Variants in CCDC80 observed in about 807,000 individuals in gnomAD.
CCDC80 encodes coiled-coil domain containing 80.
A neutral mutation model predicts 78.7 loss-of-function variants in CCDC80; 49 were observed. The ratio of observed to expected loss-of-function variants is 0.62; its 90% CI spans 0.50 to 0.79. The LOEUF (loss-of-function observed/expected upper bound fraction) is 0.79, where lower values mean the gene tolerates loss of function less well. Ranked by LOEUF, CCDC80 falls within the 30% of genes least tolerant of loss-of-function variation. CCDC80 has a pLI of 0.00. For missense variants in CCDC80, 1,205 were observed against 1,198.6 expected, an observed-to-expected ratio of 1.01 and a Z score of -0.08; for synonymous variants, 488 against 447.0, an observed-to-expected ratio of 1.09 and a Z score of -1.16.
chr3:112,625,278 G>A (rs1935942491), intron 3 of CCDC80, among the ~76,000 whole-genome samples: 2 of 152,126 alleles, frequency 1.3e-5, no homozygotes, highest in African/African-American at 2.4e-5. Context: ...AGAGGTCTGG[G>A]GAAATAGACA....
chr3:112,616,942 A>G, intron 4 of CCDC80, 84 bp from the exon 5 acceptor site: 1 of 1,401,848 alleles, frequency 7.1e-7, no homozygotes, highest in Non-Finnish European at 9.8e-7. Flanking sequence ...GTGAGAATTC[A>G]GAGGAGCTCT....
chr3:112,638,652 G>T lies in CCDC80; in HGVS notation c.1254C>A (p.Ser418=). The change falls in exon 2 of 8, where the codon TCC becomes TCA. Residue 418 remains serine, a synonymous_variant. Transcript: ENST00000206423. ...GCCTCTCCCTGTGCTGATCCTTCCG[G>T]GATGGAGGGTAAAGATTCTCTGAAA... ...PSVSENLYPP[S]RKDQHRERPQ... The T allele has an allele frequency of 6.2e-7, 1 of 1,614,004 alleles. No individual in the cohort carries two copies. Among genetic ancestry groups the T allele is most frequent in the Non-Finnish European group, 8.5e-7 (1 of 1,180,000 alleles).
chr3:112,598,512 A>C lies in CCDC80; in HGVS notation c.*6905T>G, dbSNP rs1344350502. On this transcript the variant is annotated 3_prime_UTR_variant, in exon 8 of 8. Coordinates refer to ENST00000206423, the MANE Select transcript of CCDC80 (RefSeq NM_199511.3). ...AGCCAAAGAACGTTTGCCCATGGGC[A>C]GTCTTAGCTATTTAAAATCACCCAC... 6.6e-6 allele frequency: 1 copy of C among 152,316 alleles called. No individual in the cohort carries two copies. The highest frequency in any genetic ancestry group is 1.5e-5 in the Non-Finnish European group (1 of 68,130). The allele number at this position is 152,316 out of a possible 1,614,324, so 9.4% of individuals were successfully genotyped here.
rs142875659 is a variant in CCDC80, at chr3:112,631,145, C to T, written c.1879-876G>A. 1.2e-4 allele frequency among the ~76,000 whole-genome samples: 18 copies of T among 152,334 alleles called. No individual in the cohort carries two copies. The East Asian group carries it at 3.5e-3, about 29-fold the overall frequency. The stretch of plus-strand genomic sequence containing the variant: ...TAAGAGGTCCTCTTGAATCTTTTCT[C>T]TGAGAACGTCTCACTATTTTTATCT... On this transcript the variant is annotated intron_variant, in intron 2 of 7. Transcript: ENST00000206423.
In CCDC80 at chr3:112,597,885, AC is replaced by A. The variant is rs1935309549; in HGVS notation, c.*7531del. The A allele has an allele frequency of 1.3e-5, 2 of 152,186 alleles. No individual in the cohort carries two copies. The highest frequency in any genetic ancestry group is 4.8e-5 in the African/African-American group (2 of 41,448). 9.4% of individuals were successfully genotyped at this position (152,186 alleles called of 1,614,324 possible). A position where few individuals can be genotyped will look rare whatever the true frequency, so the allele number is the denominator to read the frequency against. Reference sequence around the variant, plus strand: ...TTAACGGCGTACCTAACTGTTCTCTACTAGTCTGAGCCTCTGTACAGAGAAA... The same window carrying A: ...TTAACGGCGTACCTAACTGTTCTCTATAGTCTGAGCCTCTGTACAGAGAAA... On this transcript the variant is annotated 3_prime_UTR_variant, in exon 8 of 8. Transcript: ENST00000206423.
Position 112,599,548 on chromosome 3 carries a change from A to G in CCDC80, c.*5869T>C, listed in dbSNP as rs1166690124. The G allele has an allele frequency of 6.6e-6, 1 of 152,630 alleles. No homozygotes were observed. The highest frequency in any genetic ancestry group is 1.5e-5 in the Non-Finnish European group (1 of 68,362). The allele number at this position is 152,630 out of a possible 1,614,324, so 9.5% of individuals were successfully genotyped here. ...AGGGAGATCAGGGAGCGAAACGAAC[A>G]GAGAAACGAACAGAGGTTTTTTCCA... On this transcript the variant is annotated 3_prime_UTR_variant, in exon 8 of 8. Transcript: ENST00000206423.
chr3:112,622,150 G>A (rs959757371), intron 3 of CCDC80, among the ~76,000 whole-genome samples: 1 of 152,162 alleles, frequency 6.6e-6, no homozygotes, highest in African/African-American at 2.4e-5. Flanking sequence ...ACACTCAAGG[G>A]TAGAAAGGAC....
chr3:112,616,851 T>A lies in CCDC80; in HGVS notation c.2180A>T (p.Tyr727Phe). Residue 727 changes from tyrosine (Y) to phenylalanine (F), a missense_variant, in exon 5 of 8, where the codon TAT (tyrosine) becomes TTT (phenylalanine). Physicochemically the swap from Tyr to Phe is conservative, Grantham distance 22. Coordinates refer to ENST00000206423, the MANE Select transcript of CCDC80 (RefSeq NM_199511.3). ...TDVDLRVKQYYEVPITMKSVF... is the reference protein window; with the variant it reads ...TDVDLRVKQYFEVPITMKSVF... Reference sequence around the variant, plus strand: ...AGACTTCATTGTTATTGGTACCTCATAGTATTGCTGTTTAAGAAAAAACAG... The same window carrying A: ...AGACTTCATTGTTATTGGTACCTCAAAGTATTGCTGTTTAAGAAAAAACAG... 6.2e-7 allele frequency: 1 copy of A among 1,613,630 alleles called. No homozygotes were observed. Among genetic ancestry groups the A allele is most frequent in the Non-Finnish European group, 8.5e-7 (1 of 1,179,908 alleles).
chr3:112,607,530 T>TA (rs1576778886), intron 6 of CCDC80, among the ~76,000 whole-genome samples: 1 of 152,180 alleles, frequency 6.6e-6, no homozygotes, highest in East Asian at 1.9e-4. Context: ...CTCATGCCTG[T>TA]AATCCCAGCA....
intron 3 of CCDC80, among the ~76,000 whole-genome samples, chr3:112,621,789 G>A (rs1186167009): frequency 6.6e-6 from 1 of 152,106 alleles, no homozygotes; most frequent in South Asian, 2.1e-4. Context: ...CCTACCATAG[G>A]ACAGCTCACA....
intron 3 of CCDC80, among the ~76,000 whole-genome samples, chr3:112,628,454 C>T (rs1057065444): frequency 6.6e-6 from 1 of 152,156 alleles, no homozygotes; most frequent in African/African-American, 2.4e-5. Flanking sequence ...CAGATGACTA[C>T]CAGATCAAAT....
chr3:112,638,018 G>C lies in CCDC80; in HGVS notation c.1878+10C>G. The C allele has an allele frequency of 6.3e-7, 1 of 1,584,380 alleles. No individual in the cohort carries two copies. Among genetic ancestry groups the C allele is most frequent in the South Asian group, 1.2e-5 (1 of 85,254 alleles). Reference sequence around the variant, plus strand: ...GCCCATAGAAGAATGCCAAGGAGAAGGCTACTTACAAGGAGTCTTCGTTTG... The same window carrying C: ...GCCCATAGAAGAATGCCAAGGAGAACGCTACTTACAAGGAGTCTTCGTTTG... On this transcript the variant is annotated intron_variant, in intron 2 of 7. Transcript: ENST00000206423.
chr3:112,626,964 C>G (rs1375103297), intron 3 of CCDC80, among the ~76,000 whole-genome samples: 1 of 152,202 alleles, frequency 6.6e-6, no homozygotes, highest in Non-Finnish European at 1.5e-5. Flanking sequence ...CTCTTGATTA[C>G]CCTCAAACTC....
chr3:112,601,642 G>GCA lies in CCDC80; in HGVS notation c.*3773_*3774dup, dbSNP rs1233391981. 2.1e-5 allele frequency: 3 copies of GCA among 144,146 alleles called. No individual in the cohort carries two copies. The highest frequency in any genetic ancestry group is 8.5e-5 in the African/African-American group (3 of 35,408). 8.9% of individuals were successfully genotyped at this position (144,146 alleles called of 1,614,324 possible). The stretch of plus-strand genomic sequence containing the variant: ...TGCAGTGAGCCAAGATTGCACTACT[G>GCA]CACTGCAGCCTGGGTGACAGAGTGA... On this transcript the variant is annotated 3_prime_UTR_variant, in exon 8 of 8. Transcript: ENST00000206423.
chr3:112,626,423 ATTG>A (rs1484583726), intron 3 of CCDC80, among the ~76,000 whole-genome samples: 1 of 148,548 alleles, frequency 6.7e-6, no homozygotes, highest in African/African-American at 2.4e-5. Context: ...GCATTTTTGA[ATTG>A]TTGTGGATCC....
Position 112,607,241 on chromosome 3 carries a change from G to T in CCDC80, c.2441C>A (p.Thr814Asn). 2 of 1,613,834 alleles carry T rather than the reference G, an allele frequency of 1.2e-6. No individual in the cohort carries two copies. Among genetic ancestry groups the T allele is most frequent in the African/African-American group, 1.3e-5 (1 of 75,018 alleles). Residue 814 changes from threonine (T) to asparagine (N), a missense_variant, in exon 7 of 8, where the codon ACC becomes AAC. Coordinates refer to ENST00000206423, the MANE Select transcript of CCDC80 (RefSeq NM_199511.3). ...TCCAACGCCTAAAAGCTTCAGAATG[G>T]TTATGTGGCGCAGACCTGAGAGAAA... The part of the protein sequence containing the change: ...QACNFGLRHI[T>N]ILKLLGVGEE...
At position 112,596,827 on chromosome 3, in the gene CCDC80, A is replaced by G. The variant is rs1051482781; in HGVS notation, c.*8590T>C. 1.3e-5 allele frequency: 2 copies of G among 152,106 alleles called. No individual in the cohort carries two copies. The highest frequency in any genetic ancestry group is 2.4e-5 in the African/African-American group (1 of 41,432). 9.4% of individuals were successfully genotyped at this position (152,106 alleles called of 1,614,324 possible). A position where few individuals can be genotyped will look rare whatever the true frequency, so the allele number is the denominator to read the frequency against. ...TAAACCTTTTATTTACAGGCAAAGGATATAGTACAAGAAGAAAAAGAGAAT... is the reference window on the plus strand; with the variant it reads ...TAAACCTTTTATTTACAGGCAAAGGGTATAGTACAAGAAGAAAAAGAGAAT... On this transcript the variant is annotated 3_prime_UTR_variant, in exon 8 of 8. Transcript: ENST00000206423.
chr3:112,609,831 A>T (rs913607909), intron 6 of CCDC80, 147 bp downstream of exon 6: 3 of 520,630 alleles, frequency 5.8e-6, no homozygotes, highest in East Asian at 6.1e-5. Context: ...GCAACTTTAT[A>T]CTCAATATAG....
Position 112,602,345 on chromosome 3 carries a change from A to C in CCDC80, c.*3072T>G, listed in dbSNP as rs1356971240. On this transcript the variant is annotated 3_prime_UTR_variant, in exon 8 of 8. Coordinates refer to ENST00000206423, the MANE Select transcript of CCDC80 (RefSeq NM_199511.3). ...TGAAAGTAGATCAATTAATAACCCT[A>C]AAATAGCCTCCAGGTATTTCAAGTG... The C allele has an allele frequency of 2.0e-5, 3 of 152,222 alleles. No homozygotes were observed. The highest frequency in any genetic ancestry group is 2.0e-4 in the Admixed American group (3 of 15,282). 9.4% of individuals were successfully genotyped at this position (152,222 alleles called of 1,614,324 possible). A position where few individuals can be genotyped will look rare whatever the true frequency, so the allele number is the denominator to read the frequency against.
Sources: gnomAD v4.1 joint callset for allele counts (sites outside exome capture counted in the v4.1 genomes callset) on GRCh38, gnomAD v4.1.1 for gene constraint, MANE v1.5 for transcripts, NCBI Gene and HGNC (gene_info 2026-07-23, HGNC 2026-07-21) for gene names.